The following PRKCE variants were observed in gnomAD, a reference collection of about 807,000 sequenced individuals.
PRKCE encodes the protein protein kinase C epsilon, also known as protein kinase C epsilon type.
In PRKCE, 16 loss-of-function variants were observed where a neutral mutation model predicts 85.4. The observed-to-expected ratio is 0.19, with a 90% CI of 0.13 to 0.28. The LOEUF is 0.28. Among genes scored for constraint, PRKCE ranks in the 10% least tolerant of loss-of-function variants. The pLI is 1.00. For missense variants in PRKCE, 573 were observed against 975.2 expected (o/e 0.59, Z 5.49); for synonymous variants, 388 against 371.5 (o/e 1.04, Z -0.51).
At chr2:45,822,466 C>A (rs1265008725) in intron 1 of PRKCE, among the ~76,000 whole-genome samples, 1 of 152,232 alleles carries the variant, frequency 6.6e-6, no homozygotes, top group Non-Finnish European at 1.5e-5. Context: ...CCTGCAGGGT[C>A]GTGGCTGTCT....
intron 10 of PRKCE, among the ~76,000 whole-genome samples, chr2:46,054,156 T>A (rs1307947073): frequency 6.6e-6 from 1 of 152,232 alleles, no homozygotes; most frequent in Non-Finnish European, 1.5e-5. Flanking sequence ...AATGATTAAC[T>A]GATTGAATTC....
intron 10 of PRKCE, among the ~76,000 whole-genome samples, chr2:46,021,989 C>A (rs77746773): frequency 1.3e-5 from 2 of 151,996 alleles, no homozygotes; most frequent in Non-Finnish European, 2.9e-5. Context: ...CCATATAACC[C>A]GAACTTTTTG....
intron 1 of PRKCE, among the ~76,000 whole-genome samples, chr2:45,709,304 A>G (rs1679400800): frequency 6.6e-6 from 1 of 152,230 alleles, no homozygotes; most frequent in Admixed American, 6.5e-5. Context: ...AGACCCATGC[A>G]CTGGGTTCTC....
chr2:45,876,716 G>T (rs1298283352), intron 2 of PRKCE, among the ~76,000 whole-genome samples: 1 of 152,214 alleles, frequency 6.6e-6, no homozygotes, highest in Non-Finnish European at 1.5e-5. Context: ...ATCTTGGCCA[G>T]ATTGACAGCT....
At chr2:45,980,770 G>A (rs945360969) in intron 5 of PRKCE, among the ~76,000 whole-genome samples, 1 of 151,902 alleles carries the variant, frequency 6.6e-6, no homozygotes, top group Non-Finnish European at 1.5e-5. Context: ...CTAGCTGATG[G>A]GGGAGTGGTG....
intron 14 of PRKCE, among the ~76,000 whole-genome samples, chr2:46,168,823 G>C (rs1291623075): frequency 6.6e-6 from 1 of 152,178 alleles, no homozygotes; most frequent in Non-Finnish European, 1.5e-5. Context: ...TGTGGGTCCT[G>C]AGAGCCTATG....
At chr2:46,119,150 T>TAG (rs1673067952) in intron 11 of PRKCE, among the ~76,000 whole-genome samples, 1 of 152,104 alleles carries the variant, frequency 6.6e-6, no homozygotes, top group Admixed American at 6.6e-5. Flanking sequence ...TTCTCTAGTC[T>TAG]TGACCTAACT....
intron 2 of PRKCE, among the ~76,000 whole-genome samples, chr2:45,877,101 G>A (rs768776909): frequency 9.9e-5 from 15 of 152,146 alleles, no homozygotes; most frequent in Admixed American, 2.6e-4. Context: ...TTGTTTGTTT[G>A]TTTGTTGCTA....
rs186906339 is a variant in PRKCE, at chr2:45,951,084, T to A, written c.413-25345T>A. ...ATGCTCGGTGCCCAAACCATCACTGTAAAGCCAGTGTTCAAACACTATCGT... is the reference window on the plus strand; with the variant it reads ...ATGCTCGGTGCCCAAACCATCACTGAAAAGCCAGTGTTCAAACACTATCGT... On this transcript the variant is annotated intron_variant, in intron 2 of 14. Transcript: ENST00000306156. Among the ~76,000 whole-genome samples, 371 of 152,338 alleles carry A rather than the reference T, an allele frequency of 2.4e-3. 13 individuals carry two copies. In the South Asian group the frequency reaches 0.038, roughly 16 times the overall value.
chr2:46,034,380 C>T (rs770600178), intron 10 of PRKCE, among the ~76,000 whole-genome samples: 3 of 152,184 alleles, frequency 2.0e-5, no homozygotes, highest in Non-Finnish European at 4.4e-5. Context: ...GTGATTAGGG[C>T]TCTTCCCCCT....
rs1374662132 is a variant in PRKCE at position 45,783,285 on chromosome 2, A to G, written c.349-59715A>G. Among the ~76,000 whole-genome samples, 3 of 152,216 alleles carry G rather than the reference A, an allele frequency of 2.0e-5. No individual in the cohort carries two copies. In the South Asian group the frequency reaches 6.2e-4, roughly 32 times the overall value. ...AGGGTTTTCTTTAGCTATGGTAAGAATGCCGGTGCTCTGGGCATCATCCTG... is the reference window on the plus strand; with the variant it reads ...AGGGTTTTCTTTAGCTATGGTAAGAGTGCCGGTGCTCTGGGCATCATCCTG... On this transcript the variant is annotated intron_variant, in intron 1 of 14. Transcript: ENST00000306156.
At chr2:45,805,223 C>G (rs900405234) in intron 1 of PRKCE, among the ~76,000 whole-genome samples, 3 of 152,078 alleles carry the variant, frequency 2.0e-5, no homozygotes, top group African/African-American at 7.2e-5. Context: ...AAAACAGAGC[C>G]ATAGAGAGGG....
chr2:46,019,035 A>G (rs1173208229), intron 10 of PRKCE, among the ~76,000 whole-genome samples: 1 of 152,240 alleles, frequency 6.6e-6, no homozygotes, highest in African/African-American at 2.4e-5. Context: ...TGTAACATCA[A>G]CCTGAGTACA....
chr2:46,172,685 C>A (rs67175734), intron 14 of PRKCE, among the ~76,000 whole-genome samples: 25,763 of 152,196 alleles, frequency 0.17, 2,451 homozygotes, highest in African/African-American at 0.24. Context: ...CAGTCTACAT[C>A]CGGGGGAGTG....
At chr2:45,948,420 G>A (rs1302808904) in intron 2 of PRKCE, among the ~76,000 whole-genome samples, 2 of 152,134 alleles carry the variant, frequency 1.3e-5, no homozygotes, top group East Asian at 1.9e-4. Flanking sequence ...TGGGATGATC[G>A]CTTGAGGGCA....
At chr2:46,028,982 A>G (rs984957594) in intron 10 of PRKCE, among the ~76,000 whole-genome samples, 1 of 152,162 alleles carries the variant, frequency 6.6e-6, no homozygotes, top group Non-Finnish European at 1.5e-5. Context: ...CCTGTAAAGG[A>G]CATGATCTGG....
chr2:45,732,469 T>C (rs1018666827), intron 1 of PRKCE, among the ~76,000 whole-genome samples: 1 of 152,196 alleles, frequency 6.6e-6, no homozygotes, highest in Non-Finnish European at 1.5e-5. Context: ...CTGTATTAAA[T>C]AGGTTTATTC....
chr2:46,080,352 G>C (rs1668957874), intron 10 of PRKCE, among the ~76,000 whole-genome samples: 1 of 152,206 alleles, frequency 6.6e-6, no homozygotes, highest in African/African-American at 2.4e-5. Context: ...AGTTGATCGT[G>C]CTTTGGGGTC....
intron 11 of PRKCE, among the ~76,000 whole-genome samples, chr2:46,093,472 C>A (rs1670378913): frequency 6.6e-6 from 1 of 151,164 alleles, no homozygotes; most frequent in Non-Finnish European, 1.5e-5. Context: ...CAACTCGCAG[C>A]TGGGTCTTTT....
Sources: allele counts gnomAD v4.1 joint callset (sites outside exome capture counted in the v4.1 genomes callset), GRCh38; gene constraint gnomAD v4.1.1; transcripts MANE v1.5; gene names NCBI Gene and HGNC (gene_info 2026-07-23, HGNC 2026-07-21).